Variants in RGS5 observed in about 807,000 individuals in gnomAD.
RGS5 encodes the protein regulator of G protein signaling 5.
In RGS5, 20 loss-of-function variants were observed where a neutral mutation model predicts 18.9. The observed-to-expected ratio is 1.06, with a 90% CI of 0.74 to 1.54. RGS5 has a LOEUF of 1.54. RGS5 is among the 40% of genes most tolerant of loss of function. The pLI is 0.00. For synonymous variants in RGS5, 57 were observed against 76.2 expected (o/e 0.75, Z 1.31); for missense variants, 201 against 211.8 (o/e 0.95, Z 0.32).
chr1:163,177,330 T>C (rs1386247754), intron 1 of RGS5, among the ~76,000 whole-genome samples: 1 of 152,220 alleles, frequency 6.6e-6, no homozygotes, highest in Non-Finnish European at 1.5e-5. Flanking sequence ...TAGAATATTA[T>C]TGTATCTGAG....
chr1:163,192,563 C>G (rs1367458581), intron 1 of RGS5, among the ~76,000 whole-genome samples: 1 of 152,152 alleles, frequency 6.6e-6, no homozygotes, highest in African/African-American at 2.4e-5. Context: ...CCTACCAGGC[C>G]CAGGTACACT....
At chr1:163,298,694 T>C (rs1649483211) in intron 2 of RGS5, among the ~76,000 whole-genome samples, 1 of 152,288 alleles carries the variant, frequency 6.6e-6, no homozygotes, top group African/African-American at 2.4e-5. Context: ...TTAATCTTCC[T>C]TCACTGATGA....
At chr1:163,271,415 C>T (rs1309938131) in intron 2 of RGS5, among the ~76,000 whole-genome samples, 5 of 152,088 alleles carry the variant, frequency 3.3e-5, no homozygotes, top group Non-Finnish European at 5.9e-5. Flanking sequence ...GACTCGGGCT[C>T]GCTGTCTCTG....
At chr1:163,279,754 T>C (rs1304884274) in intron 2 of RGS5, among the ~76,000 whole-genome samples, 1 of 151,158 alleles carries the variant, frequency 6.6e-6, no homozygotes, top group Non-Finnish European at 1.5e-5. Context: ...ATAAAGAAAA[T>C]TGACAAACCA....
intron 2 of RGS5, among the ~76,000 whole-genome samples, chr1:163,272,718 T>C (rs914207821): frequency 1.3e-5 from 2 of 152,090 alleles, no homozygotes; most frequent in African/African-American, 4.8e-5. Context: ...TAACTAACCA[T>C]AGATATATGG....
intron 2 of RGS5, among the ~76,000 whole-genome samples, chr1:163,291,065 C>T (rs1481487142): frequency 6.6e-6 from 1 of 151,586 alleles, no homozygotes; most frequent in Admixed American, 6.6e-5. Flanking sequence ...TGTGAATCCC[C>T]AGTACTGCAG....
chr1:163,184,668 G>A (rs1358327901), intron 1 of RGS5, among the ~76,000 whole-genome samples: 1 of 152,204 alleles, frequency 6.6e-6, no homozygotes, highest in Non-Finnish European at 1.5e-5. Context: ...AAGAAGGCAG[G>A]AGGGTCAAGT....
chr1:163,157,295 A>G (rs1270830028), intron 3 of RGS5, among the ~76,000 whole-genome samples: 1 of 152,222 alleles, frequency 6.6e-6, no homozygotes, highest in Non-Finnish European at 1.5e-5. Context: ...TGTTTGAAGA[A>G]CAACACACTG....
chr1:163,195,649 A>G (rs1659533816), intron 1 of RGS5, among the ~76,000 whole-genome samples: 1 of 151,934 alleles, frequency 6.6e-6, no homozygotes, highest in East Asian at 1.9e-4. Flanking sequence ...TAAATACTGT[A>G]CCATTTTTAA....
At chr1:163,266,714 C>G (rs1477135853) in intron 2 of RGS5, 1 of 151,996 alleles carries the variant, frequency 6.6e-6, no homozygotes, top group Admixed American at 6.6e-5. Context: ...AATAGTTTTC[C>G]TTGTCTGGAC....
chr1:163,233,557 G>A (rs949769221), intron 2 of RGS5, among the ~76,000 whole-genome samples: 4 of 152,204 alleles, frequency 2.6e-5, no homozygotes, highest in African/African-American at 9.6e-5. Context: ...CCATCAAACA[G>A]GCTTTGTGTG....
intron 1 of RGS5, chr1:163,319,103 G>C (rs1222411748): frequency 6.6e-6 from 1 of 152,112 alleles, no homozygotes; most frequent in Non-Finnish European, 1.5e-5. Context: ...TGTTAAAGTA[G>C]AAATAACAAT....
At chr1:163,308,402 T>C (rs1001518909) in intron 1 of RGS5, 2 of 152,190 alleles carry the variant, frequency 1.3e-5, no homozygotes, top group African/African-American at 2.4e-5. Context: ...ATGGACAATG[T>C]TGTACTTTGA....
intron 2 of RGS5, among the ~76,000 whole-genome samples, chr1:163,270,744 C>T (rs551091520): frequency 6.6e-6 from 1 of 152,050 alleles, no homozygotes; most frequent in Non-Finnish European, 1.5e-5. Flanking sequence ...TCTCCTCCAA[C>T]GATAACAGAA....
chr1:163,175,591 G>A (rs898120031), intron 1 of RGS5, among the ~76,000 whole-genome samples: 9 of 152,144 alleles, frequency 5.9e-5, no homozygotes, highest in Non-Finnish European at 1.0e-4. Flanking sequence ...AGGCAGTGCC[G>A]GGTGATTGTG....
chr1:163,246,134 G>A (rs12128936), intron 2 of RGS5, among the ~76,000 whole-genome samples: 7,466 of 151,216 alleles, frequency 0.049, 214 homozygotes, highest in South Asian at 0.093. Flanking sequence ...GGAGAATGGC[G>A]TAAGTAAACC....
At chr1:163,191,301 G>A (rs1013206136) in intron 1 of RGS5, among the ~76,000 whole-genome samples, 5 of 151,698 alleles carry the variant, frequency 3.3e-5, no homozygotes, top group Non-Finnish European at 5.9e-5. Flanking sequence ...CCTAGAGTGC[G>A]TTTTGCTTAT....
chr1:163,192,011 A>T (rs1454249110), intron 1 of RGS5, among the ~76,000 whole-genome samples: 1 of 152,322 alleles, frequency 6.6e-6, no homozygotes, highest in East Asian at 1.9e-4. Context: ...TGCCTGAAGA[A>T]GTCACAGAGG....
chr1:163,194,254 G>T (rs1659472574), intron 1 of RGS5, among the ~76,000 whole-genome samples: 1 of 152,032 alleles, frequency 6.6e-6, no homozygotes, highest in Non-Finnish European at 1.5e-5. Context: ...GTTCTTAATT[G>T]AGTCCACTGA....
Sources: gnomAD v4.1 joint callset for allele counts (sites outside exome capture counted in the v4.1 genomes callset) on GRCh38, gnomAD v4.1.1 for gene constraint, MANE v1.5 for transcripts, NCBI Gene and HGNC (gene_info 2026-07-23, HGNC 2026-07-21) for gene names.